TRPM8: variants seen among roughly 807,000 people sequenced by gnomAD.
TRPM8 encodes transient receptor potential cation channel subfamily M member 8, also known as TRPM8 cationic channel.
TRPM8 carries 110 observed loss-of-function variants against 133.7 expected under a neutral mutation model. The ratio of observed to expected loss-of-function variants is 0.82; its 90% CI spans 0.70 to 0.96. The LOEUF (loss-of-function observed/expected upper bound fraction) is 0.96, where lower values mean the gene tolerates loss of function less well. Ranked by LOEUF, TRPM8 falls within the 40% of genes least tolerant of loss-of-function variation. The pLI, the probability that TRPM8 is intolerant of heterozygous loss-of-function variation, is 0.00. For missense variants in TRPM8, 1,291 were observed against 1,379.5 expected, an observed-to-expected ratio of 0.94 and a Z score of 1.02; for synonymous variants, 535 against 532.3, an observed-to-expected ratio of 1.01 and a Z score of -0.07.
intron 20 of TRPM8, among the ~76,000 whole-genome samples, 162 bp from the exon 21 acceptor site, chr2:233,985,526 G>T (rs1289592153): frequency 6.6e-6 from 1 of 152,198 alleles, no homozygotes; most frequent in East Asian, 1.9e-4. Context: ...TTGAGTGGAT[G>T]AACAGGTGAT....
intron 9 of TRPM8, among the ~76,000 whole-genome samples, chr2:233,951,699 ATATAT>A (rs765058584): frequency 1.3e-5 from 2 of 152,190 alleles, no homozygotes; most frequent in Non-Finnish European, 1.5e-5. Flanking sequence ...TATGCTAATG[ATATAT>A]TATAATTACA....
intron 24 of TRPM8, chr2:234,013,226 ACCAGTAAGCCATCTGATTTC>A (rs1481261722): frequency 6.6e-6 from 1 of 152,148 alleles, no homozygotes; most frequent in Non-Finnish European, 1.5e-5. Flanking sequence ...GCTAGAATTT[ACCAGTAAGCCATCTGATTTC>A]CCAGTAAGCC....
In TRPM8 at chr2:233,947,196, C is replaced by A. The variant is rs779761678; in HGVS notation, c.942+41C>A. The A allele has an allele frequency of 2.1e-5, 33 of 1,607,682 alleles. No homozygotes were observed. The South Asian group carries it at 3.0e-4, about 15-fold the overall frequency. ...GTTTTCTAGAAGGTTGGCTAATAAG[C>A]CTATCCAACAAATTTGTATTTTCAA... On this transcript the variant is annotated intron_variant, in intron 8 of 25. Transcript: ENST00000324695.
intron 24 of TRPM8, among the ~76,000 whole-genome samples, chr2:234,010,469 C>T (rs1476908556): frequency 6.6e-6 from 1 of 152,124 alleles, no homozygotes; most frequent in East Asian, 1.9e-4. Context: ...CTTTGTGATC[C>T]TGATTTCAAT....
At chr2:234,004,327 G>A (rs1434080929) in intron 22 of TRPM8, among the ~76,000 whole-genome samples, 1 of 152,208 alleles carries the variant, frequency 6.6e-6, no homozygotes, top group Non-Finnish European at 1.5e-5. Flanking sequence ...AGAGCCAAGA[G>A]CCCCACTTTC....
chr2:233,943,206 C>T lies in TRPM8; in HGVS notation c.699+458C>T, dbSNP rs964382480. On this transcript the variant is annotated intron_variant, in intron 6 of 25. Coordinates refer to ENST00000324695, the MANE Select transcript of TRPM8 (RefSeq NM_024080.5). ...ACATGTGCCATGTTGGTGTGCTGCA[C>T]CCATTAACTCATCATTTAACATTAG... Among the ~76,000 whole-genome samples the T allele has an allele frequency of 9.9e-5, 15 of 151,552 alleles. 1 individual carries two copies. Among genetic ancestry groups the T allele is most frequent in the African/African-American group, 3.2e-4 (13 of 41,192 alleles).
At chr2:233,969,930 C>T in intron 16 of TRPM8, 123 bp downstream of exon 16, 1 of 781,744 alleles carries the variant, frequency 1.3e-6, no homozygotes, top group Non-Finnish European at 2.2e-6. Context: ...TACATTGTTG[C>T]CTATGAATTT....
chr2:233,958,869 A>C (rs917435), intron 11 of TRPM8, among the ~76,000 whole-genome samples: 4 of 151,882 alleles, frequency 2.6e-5, no homozygotes, highest in African/African-American at 9.7e-5. Flanking sequence ...GATCAGGCAC[A>C]CAATGTAAGA....
chr2:233,966,297 T>A (rs547015182), intron 14 of TRPM8, among the ~76,000 whole-genome samples: 1 of 152,108 alleles, frequency 6.6e-6, no homozygotes, highest in Non-Finnish European at 1.5e-5. Context: ...TCTCAGTGGC[T>A]GAGGCTCTTC....
chr2:233,927,944 CTCTCTCTCTCTCTCTCTT>C (rs1559516752), intron 2 of TRPM8, among the ~76,000 whole-genome samples: 3 of 73,476 alleles, frequency 4.1e-5, no homozygotes, highest in African/African-American at 2.1e-4. Context: ...CTCTCTCTCT[CTCTCTCTCTCTCTCTCTT>C]TCTTTCTTTC....
At chr2:233,959,869 C>A (rs897351977) in intron 11 of TRPM8, among the ~76,000 whole-genome samples, 1 of 151,804 alleles carries the variant, frequency 6.6e-6, no homozygotes, top group African/African-American at 2.4e-5. Context: ...GCAACTTCTG[C>A]CTCCTGGGTT....
At position 234,017,578 on chromosome 2, in the gene TRPM8, T is replaced by A. The variant is rs201538152; in HGVS notation, c.*322T>A. ...TCTTACCGCCTCCTTTTTCCTTTAA[T>A]CTTATTTTTGATGAACACATATATA... On this transcript the variant is annotated 3_prime_UTR_variant, in exon 26 of 26. Transcript: ENST00000324695. The A allele has an allele frequency of 5.6e-4, 168 of 299,360 alleles. 3 individuals are homozygous for A. The Middle Eastern group carries it at 6.5e-3, about 12-fold the overall frequency. 18.5% of individuals were successfully genotyped at this position (299,360 alleles called of 1,614,324 possible). A position where few individuals can be genotyped will look rare whatever the true frequency, so the allele number is the denominator to read the frequency against.
At chr2:233,963,687 C>A (rs1487466287) in intron 13 of TRPM8, among the ~76,000 whole-genome samples, 2 of 152,154 alleles carry the variant, frequency 1.3e-5, no homozygotes, top group Non-Finnish European at 2.9e-5. Context: ...AGCTTTATCG[C>A]ATTATGGACG....
chr2:233,959,249 C>T (rs1467788738), intron 11 of TRPM8, among the ~76,000 whole-genome samples: 1 of 151,962 alleles, frequency 6.6e-6, no homozygotes, highest in African/African-American at 2.4e-5. Context: ...TGGTCTCGAA[C>T]TCCTGACCTC....
chr2:233,981,816 C>A lies in TRPM8; in HGVS notation c.2490C>A (p.Val830=), dbSNP rs1208410634. ...SNKSSLYSGR[V]IFCLDYIIFT... Reference sequence around the variant, plus strand: ...AAAGCTCTTTGTATTCTGGACGAGTCATTTTCTGTCTGGACTACATTATTT... The same window carrying A: ...AAAGCTCTTTGTATTCTGGACGAGTAATTTTCTGTCTGGACTACATTATTT... The change falls in exon 19 of 26, where the codon GTC becomes GTA. Residue 830 remains valine (V), a synonymous_variant. Coordinates refer to ENST00000324695, the MANE Select transcript of TRPM8 (RefSeq NM_024080.5). 6.2e-7 allele frequency: 1 copy of A among 1,613,450 alleles called. No homozygotes were observed. The highest frequency in any genetic ancestry group is 8.5e-7 in the Non-Finnish European group (1 of 1,179,786).
At chr2:233,980,672 G>A (rs977749467) in intron 18 of TRPM8, among the ~76,000 whole-genome samples, 2 of 152,138 alleles carry the variant, frequency 1.3e-5, no homozygotes, top group Non-Finnish European at 2.9e-5. Flanking sequence ...CTGATCATGG[G>A]GAGAAATAAA....
chr2:233,940,479 GC>G (rs1325292404), intron 5 of TRPM8, among the ~76,000 whole-genome samples: 1 of 152,166 alleles, frequency 6.6e-6, no homozygotes, highest in African/African-American at 2.4e-5. Flanking sequence ...CTTATTGGAT[GC>G]CTATTATGTA....
rs772464381 is a variant in TRPM8 at position 233,969,846 on chromosome 2, G to A, written c.2138+39G>A. Reference sequence around the variant, plus strand: ...CACATAATCGTGTGTGAGTGTGTGTGCCAGTGTGTGTACATGCATCCACAT... The same window carrying A: ...CACATAATCGTGTGTGAGTGTGTGTACCAGTGTGTGTACATGCATCCACAT... On this transcript the variant is annotated intron_variant, in intron 16 of 25. Coordinates refer to ENST00000324695, the MANE Select transcript of TRPM8 (RefSeq NM_024080.5). 2.4e-6 allele frequency: 3 copies of A among 1,275,122 alleles called. No homozygotes were observed. The South Asian group carries it at 3.6e-5, about 15-fold the overall frequency. The allele number at this position is 1,275,122 out of a possible 1,614,324, so 79.0% of individuals were successfully genotyped here. A position where few individuals can be genotyped will look rare whatever the true frequency, so the allele number is the denominator to read the frequency against.
At chr2:233,924,267 C>T (rs182330196) in intron 1 of TRPM8, among the ~76,000 whole-genome samples, 3 of 152,118 alleles carry the variant, frequency 2.0e-5, no homozygotes, top group Non-Finnish European at 2.9e-5. Flanking sequence ...CTGGATCTGG[C>T]GGTGTGATTT....
Sources: gnomAD v4.1 joint callset for allele counts (sites outside exome capture counted in the v4.1 genomes callset) on GRCh38, gnomAD v4.1.1 for gene constraint, MANE v1.5 for transcripts, NCBI Gene and HGNC (gene_info 2026-07-23, HGNC 2026-07-21) for gene names.